Variants in TRPM3 observed in about 807,000 individuals in gnomAD.
The protein encoded by TRPM3 is long transient receptor potential channel 3.
In TRPM3, 77 loss-of-function variants were observed where a neutral mutation model predicts 181.2. The ratio of observed to expected loss-of-function variants is 0.42; its 90% CI spans 0.35 to 0.51. The LOEUF is 0.51. TRPM3 is among the 20% of genes least tolerant of loss of function. The probability of loss-of-function intolerance (pLI) is 0.01; values close to 1 mark genes in which losing one functional copy is unlikely to be tolerated. For synonymous variants in TRPM3, 745 were observed against 796.4 expected, an observed-to-expected ratio of 0.94 and a Z score of 1.09; for missense variants, 1,759 against 2,196.7, an observed-to-expected ratio of 0.80 and a Z score of 3.98.
intron 1 of TRPM3, among the ~76,000 whole-genome samples, chr9:71,058,198 T>C (rs2060888623): frequency 6.6e-6 from 1 of 152,018 alleles, no homozygotes; most frequent in Non-Finnish European, 1.5e-5. Context: ...GGAAGTAGCT[T>C]TGTAAATATA....
At chr9:71,053,084 A>G (rs1427945032) in intron 1 of TRPM3, among the ~76,000 whole-genome samples, 2 of 100,612 alleles carry the variant, frequency 2.0e-5, no homozygotes, top group Admixed American at 1.4e-4. Flanking sequence ...CTTTAGAACC[A>G]TCCTAAGGAA....
intron 1 of TRPM3, among the ~76,000 whole-genome samples, chr9:71,137,304 A>AT: frequency 6.6e-6 from 1 of 152,202 alleles, no homozygotes; most frequent in Non-Finnish European, 1.5e-5. Context: ...AAAATGCATT[A>AT]TTTTTTGTAT....
intron 1 of TRPM3, among the ~76,000 whole-genome samples, chr9:71,396,516 A>T (rs1242854373): frequency 6.6e-6 from 1 of 152,144 alleles, no homozygotes; most frequent in Admixed American, 6.5e-5. Flanking sequence ...TTTTAAAATC[A>T]GGAGGCCACA....
At chr9:71,298,600 A>T (rs966456673) in intron 1 of TRPM3, among the ~76,000 whole-genome samples, 2 of 152,124 alleles carry the variant, frequency 1.3e-5, no homozygotes, top group Admixed American at 6.6e-5. Context: ...TTTAAAAAAA[A>T]TCTGTTTCTC....
At chr9:70,608,269 T>C (rs1421913500) in intron 19 of TRPM3, among the ~76,000 whole-genome samples, 2 of 152,284 alleles carry the variant, frequency 1.3e-5, no homozygotes, top group Non-Finnish European at 2.9e-5. Context: ...CTCCTTTAAA[T>C]TTATTCGGCT....
At chr9:71,170,000 C>CAAAAA (rs34087746) in intron 1 of TRPM3, among the ~76,000 whole-genome samples, 1 of 77,140 alleles carries the variant, frequency 1.3e-5, no homozygotes, top group Non-Finnish European at 2.4e-5. Context: ...GACTCTGTCT[C>CAAAAA]AAAAAAAAAA....
At chr9:71,318,614 G>A (rs1209123202) in intron 1 of TRPM3, among the ~76,000 whole-genome samples, 2 of 152,014 alleles carry the variant, frequency 1.3e-5, no homozygotes, top group Non-Finnish European at 2.9e-5. Context: ...TCGCTCTAAT[G>A]GTAGGTGCAA....
chr9:71,333,304 T>A (rs1476775671), intron 1 of TRPM3, among the ~76,000 whole-genome samples: 1 of 151,894 alleles, frequency 6.6e-6, no homozygotes, highest in African/African-American at 2.4e-5. Flanking sequence ...CAGTACGAAA[T>A]TGACTTCTCA....
rs1331745921 is a variant in TRPM3, at chr9:71,133,253, A to AT, written c.184-268743dup. 4.1e-5 allele frequency among the ~76,000 whole-genome samples: 5 copies of AT among 122,344 alleles called. No homozygotes were observed. In the South Asian group the frequency reaches 1.2e-3, roughly 30 times the overall value. 80.3% of individuals were successfully genotyped at this position (122,344 alleles called of 152,430 possible). On this transcript the variant is annotated intron_variant, in intron 1 of 24. Transcript: ENST00000357533. ...TTTATCTGGTAACTTATAAAGCTCC[A>AT]TTTTTCCTGTGGCCATTTGTAATTC...
At chr9:71,202,898 G>A (rs2078894232) in intron 1 of TRPM3, among the ~76,000 whole-genome samples, 1 of 152,160 alleles carries the variant, frequency 6.6e-6, no homozygotes, top group African/African-American at 2.4e-5. Context: ...TCTCTCATGG[G>A]TATTAGAAAA....
intron 8 of TRPM3, among the ~76,000 whole-genome samples, chr9:70,687,400 G>C (rs1466316258): frequency 6.6e-6 from 1 of 152,096 alleles, no homozygotes; most frequent in East Asian, 1.9e-4. Context: ...AGTAAAGTCT[G>C]ATATTTATTT....
intron 1 of TRPM3, among the ~76,000 whole-genome samples, chr9:71,331,284 T>C (rs1652052362): frequency 6.6e-6 from 1 of 151,868 alleles, no homozygotes; most frequent in South Asian, 2.1e-4. Context: ...AAAATATGTG[T>C]TTAAAAGCAT....
chr9:71,089,414 G>T (rs190097780), intron 1 of TRPM3, among the ~76,000 whole-genome samples: 14 of 151,296 alleles, frequency 9.3e-5, no homozygotes, highest in Non-Finnish European at 1.6e-4. Flanking sequence ...GTTAAGGAGA[G>T]AAAAAAGACA....
intron 22 of TRPM3, among the ~76,000 whole-genome samples, chr9:70,583,031 A>G (rs191315671): frequency 1.3e-5 from 2 of 152,276 alleles, no homozygotes; most frequent in East Asian, 3.9e-4. Context: ...TTCTCTTCCT[A>G]TATTTCAAGC....
chr9:71,359,154 A>C (rs2092032589), intron 1 of TRPM3, among the ~76,000 whole-genome samples: 1 of 152,214 alleles, frequency 6.6e-6, no homozygotes, highest in African/African-American at 2.4e-5. Flanking sequence ...TTAGGGAAGA[A>C]GCATAAAATG....
chr9:70,566,550 G>A (rs545562355), intron 22 of TRPM3, among the ~76,000 whole-genome samples: 1 of 152,116 alleles, frequency 6.6e-6, no homozygotes, highest in African/African-American at 2.4e-5. Flanking sequence ...TATTGTAATC[G>A]TTTATTGGAT....
chr9:71,153,291 AT>A (rs370590474), intron 1 of TRPM3, among the ~76,000 whole-genome samples: 287 of 139,986 alleles, frequency 2.1e-3, no homozygotes, highest in East Asian at 9.6e-3. Context: ...GGCGCCATTA[AT>A]TTTTTTTTTT....
rs1178381099 is a variant in TRPM3, at chr9:70,961,929, TAA to T, written c.178-97420_178-97419del. On this transcript the variant is annotated intron_variant, in intron 1 of 25. Transcript: ENST00000677713. ...AACTGGCAGATTTTCATAGAGACTCTAATTTTTTGAATTAGCATCATAGAATG... is the reference window on the plus strand; with the variant it reads ...AACTGGCAGATTTTCATAGAGACTCTTTTTTTGAATTAGCATCATAGAATG... 2.6e-5 allele frequency among the ~76,000 whole-genome samples: 4 copies of T among 152,206 alleles called. No homozygotes were observed. In the East Asian group the frequency reaches 7.7e-4, roughly 29 times the overall value.
At position 70,531,140 on chromosome 9, in the gene TRPM3, C is replaced by T. The variant is rs1162388579; in HGVS notation, c.*4813G>A. 6.6e-6 allele frequency: 1 copy of T among 152,216 alleles called. No homozygotes were observed. The highest frequency in any genetic ancestry group is 2.4e-5 in the African/African-American group (1 of 41,450). The allele number at this position is 152,216 out of a possible 1,614,324, so 9.4% of individuals were successfully genotyped here. A position where few individuals can be genotyped will look rare whatever the true frequency, so the allele number is the denominator to read the frequency against. On this transcript the variant is annotated 3_prime_UTR_variant, in exon 26 of 26. Coordinates refer to ENST00000677713, the MANE Select transcript of TRPM3 (RefSeq NM_001366145.2). ...GCTTAGCAATTTGCACCCAGTAGCT[C>T]TGAAGAATCAGAAATGTGTCTTGCA...
Sources: gnomAD v4.1 joint callset for allele counts (sites outside exome capture counted in the v4.1 genomes callset) on GRCh38, gnomAD v4.1.1 for gene constraint, MANE v1.5 for transcripts, NCBI Gene and HGNC (gene_info 2026-07-23, HGNC 2026-07-21) for gene names.